The following ITGAL variants were observed in gnomAD, a reference collection of about 807,000 sequenced individuals.
ITGAL encodes integrin subunit alpha L, also known as integrin alpha-L.
A neutral mutation model predicts 138.4 loss-of-function variants in ITGAL; 68 were observed. That is an observed-to-expected ratio of 0.49 (90% CI 0.40 to 0.60). The LOEUF (loss-of-function observed/expected upper bound fraction) is 0.60, where lower values mean the gene tolerates loss of function less well. Ranked by LOEUF, ITGAL falls within the 20% of genes least tolerant of loss-of-function variation. The pLI, the probability that ITGAL is intolerant of heterozygous loss-of-function variation, is 0.00. For synonymous variants in ITGAL, 561 were observed against 584.3 expected (o/e 0.96, Z 0.57); for missense variants, 1,256 against 1,478.6 (o/e 0.85, Z 2.47).
At chr16:30,501,388 C>T (rs1192782856) in intron 17 of ITGAL, among the ~76,000 whole-genome samples, 2 of 151,826 alleles carry the variant, frequency 1.3e-5, no homozygotes, top group Non-Finnish European at 2.9e-5. Flanking sequence ...CCAGCCTGGC[C>T]AACATGGAGA....
chr16:30,481,130 C>T (rs542401086), intron 6 of ITGAL: 27 of 265,144 alleles, frequency 1.0e-4, no homozygotes, highest in Admixed American at 8.1e-4. Flanking sequence ...GGTGAAACAC[C>T]GTCTCTACTA....
chr16:30,481,860 A>C (rs985444967), intron 7 of ITGAL, among the ~76,000 whole-genome samples: 10 of 152,070 alleles, frequency 6.6e-5, no homozygotes, highest in African/African-American at 2.4e-4. Flanking sequence ...TTTTGAGCCC[A>C]GAAGTTTTTG....
intron 29 of ITGAL, among the ~76,000 whole-genome samples, chr16:30,519,370 G>A (rs182497840): frequency 2.0e-4 from 30 of 151,482 alleles, no homozygotes; most frequent in Non-Finnish European, 3.4e-4. Flanking sequence ...GCAACACAGT[G>A]AGACCTTATC....
At chr16:30,489,914 C>T (rs1228650717) in intron 11 of ITGAL, among the ~76,000 whole-genome samples, 1 of 149,008 alleles carries the variant, frequency 6.7e-6, no homozygotes, top group African/African-American at 2.5e-5. Context: ...CCAGTCTGGG[C>T]AAAAGAGCAA....
intron 4 of ITGAL, among the ~76,000 whole-genome samples, chr16:30,478,166 T>A (rs1218585629): frequency 1.3e-5 from 2 of 150,606 alleles, no homozygotes; most frequent in African/African-American, 2.4e-5. Flanking sequence ...AAACCCCGTC[T>A]CTACTAAAAG....
Position 30,483,810 on chromosome 16 carries a change from T to G in ITGAL, c.723-17T>G. 1 of 1,597,950 alleles carries G rather than the reference T, an allele frequency of 6.3e-7. No homozygotes were observed. Among genetic ancestry groups the G allele is most frequent in the Non-Finnish European group, 8.6e-7 (1 of 1,169,046 alleles). ...TAGTTTGGGGGAGTCTCTCATCTCC[T>G]CCTTTCCTGGACACAGGACAGAGGT... On this transcript the variant is annotated splice_polypyrimidine_tract_variant and intron_variant, in intron 7 of 30. Transcript: ENST00000356798.
At chr16:30,485,981 C>T (rs1350777007) in intron 9 of ITGAL, among the ~76,000 whole-genome samples, 1 of 152,140 alleles carries the variant, frequency 6.6e-6, no homozygotes, top group African/African-American at 2.4e-5. Context: ...TGTCACTTAT[C>T]CAAGGCTCCA....
At position 30,499,711 on chromosome 16, in the gene ITGAL, A is replaced by ATATATATGTGTATATATATATATG. The variant is rs1555507156; in HGVS notation, c.2145+223_2145+224insATATATGTGTATATATATATATGT. ...TGTATATATATGTGTATATATATAT[A>ATATATATGTGTATATATATATATG]TGTATATATATATATATATATATTT... On this transcript the variant is annotated intron_variant, in intron 17 of 30. Transcript: ENST00000356798. Among the ~76,000 whole-genome samples the ATATATATGTGTATATATATATATG allele has an allele frequency of 3.2e-4, 30 of 93,816 alleles. 1 individual carries two copies. The East Asian group carries it at 3.7e-3, about 12-fold the overall frequency. 61.5% of individuals were successfully genotyped at this position (93,816 alleles called of 152,430 possible). A position where few individuals can be genotyped will look rare whatever the true frequency, so the allele number is the denominator to read the frequency against.
chr16:30,506,462 G>A (rs1395061428), intron 20 of ITGAL, among the ~76,000 whole-genome samples: 1 of 148,388 alleles, frequency 6.7e-6, no homozygotes, highest in Non-Finnish European at 1.5e-5. Flanking sequence ...GGGAGGTTGA[G>A]GCAGGAGAAT....
intron 17 of ITGAL, among the ~76,000 whole-genome samples, chr16:30,501,051 G>T (rs2050890260): frequency 6.6e-6 from 1 of 151,470 alleles, no homozygotes; most frequent in Non-Finnish European, 1.5e-5. Flanking sequence ...TTGCTGTGTT[G>T]CCCAGGCTGG....
At chr16:30,518,400 G>A (rs1018010195) in intron 28 of ITGAL, among the ~76,000 whole-genome samples, 1 of 150,154 alleles carries the variant, frequency 6.7e-6, no homozygotes, top group African/African-American at 2.5e-5. Flanking sequence ...AGTGAGCCAA[G>A]ATGGCACCAC....
intron 7 of ITGAL, among the ~76,000 whole-genome samples, chr16:30,482,329 G>A (rs539866119): frequency 5.9e-5 from 9 of 152,250 alleles, no homozygotes; most frequent in East Asian, 3.9e-4. Context: ...CAATGTGGCC[G>A]GAGAGAAATA....
chr16:30,504,376 C>A, intron 18 of ITGAL, 112 bp downstream of exon 18: 2 of 803,284 alleles, frequency 2.5e-6, no homozygotes, highest in South Asian at 1.5e-5. Flanking sequence ...CTTTGGGAGG[C>A]TGAAGTGGGT....
intron 28 of ITGAL, among the ~76,000 whole-genome samples, 187 bp downstream of exon 28, chr16:30,518,082 G>A (rs1392041451): frequency 3.9e-5 from 6 of 152,172 alleles, no homozygotes; most frequent in African/African-American, 1.4e-4. Context: ...CTGTTTCCAT[G>A]GGCCTATGGA....
chr16:30,503,750 A>G (rs1043353441), intron 17 of ITGAL, among the ~76,000 whole-genome samples: 3 of 152,202 alleles, frequency 2.0e-5, no homozygotes, highest in Non-Finnish European at 4.4e-5. Context: ...TTGAGTACCT[A>G]CAAAATGCCA....
intron 15 of ITGAL, among the ~76,000 whole-genome samples, chr16:30,496,939 A>G (rs1357072985): frequency 1.3e-5 from 2 of 151,724 alleles, no homozygotes; most frequent in Non-Finnish European, 2.9e-5. Flanking sequence ...GCCACTATGC[A>G]TGGCCTAATT....
rs747988431 is a variant in ITGAL at position 30,474,298 on chromosome 16, G to C, written c.164G>C (p.Gly55Ala). 1.3e-6 allele frequency: 2 copies of C among 1,597,066 alleles called. No individual in the cohort carries two copies. ...FGYRVLQVGN[G>A]VIVGAPGEGN... ...TACCGCGTCCTGCAGGTCGGAAACG[G>C]GTGAGCTGTGCCCCACAAGTCCTCC... Residue 55 changes from glycine to alanine, a missense_variant and splice_region_variant, in exon 2 of 31, where the codon GGG becomes GCG. This residue lies in a region of ITGAL where 212 missense variants were observed against 217.4 expected (regional missense o/e 0.98). Coordinates refer to ENST00000356798, the MANE Select transcript of ITGAL (RefSeq NM_002209.3).
At chr16:30,520,087 C>T in intron 30 of ITGAL, 120 bp downstream of exon 30, 1 of 715,338 alleles carries the variant, frequency 1.4e-6, no homozygotes, top group Non-Finnish European at 2.4e-6. Context: ...GGCCTCAGAG[C>T]CAGGGGGCCT....
chr16:30,484,686 A>T (rs1184922959), intron 9 of ITGAL, among the ~76,000 whole-genome samples: 1 of 152,108 alleles, frequency 6.6e-6, no homozygotes, highest in Non-Finnish European at 1.5e-5. Flanking sequence ...TGGGAGGCTG[A>T]GGTGGGCAGA....
Sources: gnomAD v4.1 joint callset for allele counts (sites outside exome capture counted in the v4.1 genomes callset) on GRCh38, gnomAD v4.1.1 for gene constraint, gnomAD v4.1.1 regional missense constraint, MANE v1.5 for transcripts, NCBI Gene and HGNC (gene_info 2026-07-23, HGNC 2026-07-21) for gene names.